The following TG variants were observed in gnomAD, a reference collection of about 807,000 sequenced individuals.
The protein encoded by TG is thyroid hormones.
A neutral mutation model predicts 324.7 loss-of-function variants in TG; 270 were observed. That is an observed-to-expected ratio of 0.83 (90% CI 0.75 to 0.92). The LOEUF (loss-of-function observed/expected upper bound fraction) is 0.92, where lower values mean the gene tolerates loss of function less well. Ranked by LOEUF, TG falls within the 40% of genes least tolerant of loss-of-function variation. The pLI, the probability that TG is intolerant of heterozygous loss-of-function variation, is 0.00. For missense variants in TG, 3,591 were observed against 3,456.4 expected, an observed-to-expected ratio of 1.04 and a Z score of -0.98; for synonymous variants, 1,401 against 1,327.0, an observed-to-expected ratio of 1.06 and a Z score of -1.21.
chr8:133,033,281 C>T (rs1359998002), intron 41 of TG, among the ~76,000 whole-genome samples: 3 of 152,164 alleles, frequency 2.0e-5, no homozygotes, highest in Non-Finnish European at 4.4e-5. Flanking sequence ...TCCTTCTTCC[C>T]TCTTCCCTTG....
chr8:133,017,839 G>A lies in TG; in HGVS notation c.6624G>A (p.Arg2208=), dbSNP rs1347496795. The change falls in exon 38 of 48, where the codon CGG becomes CGA. Residue 2208 remains arginine (R), a synonymous_variant. Coordinates refer to ENST00000220616, the MANE Select transcript of TG (RefSeq NM_003235.5). The part of the protein sequence containing the change: ...VPSVPISTHG[R]LLGRSQAIQV... ...CTGTGCCCATTTCCACCCATGGCCG[G>A]CTGCTGGGCAGGTCCCAGGCCATCC... 9.9e-6 allele frequency: 16 copies of A among 1,614,026 alleles called. No homozygotes were observed. Among genetic ancestry groups the A allele is most frequent in the African/African-American group, 2.7e-5 (2 of 74,912 alleles).
rs149433479 is a variant in TG, at chr8:132,876,328, G to A, written c.638+3107G>A. 3.8e-4 allele frequency among the ~76,000 whole-genome samples: 58 copies of A among 152,294 alleles called. 1 individual carries two copies. In the East Asian group the frequency reaches 0.011, roughly 28 times the overall value. ...TTGATATGGAGGTGAGGGTCGGGGG[G>A]AGTCAAGAATGACTCCTAGGTCTGG... On this transcript the variant is annotated intron_variant, in intron 5 of 47. Coordinates refer to ENST00000220616, the MANE Select transcript of TG (RefSeq NM_003235.5).
At chr8:133,066,344 A>AAG (rs1554714559) in intron 41 of TG, among the ~76,000 whole-genome samples, 4 of 150,640 alleles carry the variant, frequency 2.7e-5, no homozygotes, top group Non-Finnish European at 5.9e-5. Context: ...AAAAAAAAAA[A>AAG]GCTGTTACTG....
intron 35 of TG, among the ~76,000 whole-genome samples, chr8:132,987,720 T>TA (rs1564043677): frequency 1.1e-5 from 1 of 93,826 alleles, no homozygotes; most frequent in Non-Finnish European, 2.3e-5. Flanking sequence ...TGTGTGTGTG[T>TA]GGTGTGTGTG....
chr8:133,101,829 A>G (rs919563829), intron 43 of TG, among the ~76,000 whole-genome samples: 2 of 151,854 alleles, frequency 1.3e-5, no homozygotes, highest in Non-Finnish European at 1.5e-5. Flanking sequence ...ATTGGGCCCC[A>G]TAGCAGCACT....
In TG at chr8:132,983,351, T is replaced by G. The variant is rs1403317292; in HGVS notation, c.6201T>G (p.Ile2067Met). The G allele has an allele frequency of 6.2e-7, 1 of 1,614,064 alleles. No homozygotes were observed. The highest frequency in any genetic ancestry group is 8.5e-7 in the Non-Finnish European group (1 of 1,180,028). ...TYPFGWYQKP[I>M]AQNNAPSFCP... ...GAAAGACTGCTTTTTCCTTTTCAGT[T>G]GCTCAAAATAATGCTCCCAGTTTTT... The change falls in exon 35 of 48, where the codon ATT becomes ATG. Residue 2067 changes from isoleucine (I) to methionine (M), a missense_variant and splice_region_variant. Transcript: ENST00000220616.
intron 28 of TG, among the ~76,000 whole-genome samples, chr8:132,962,688 T>G (rs1024816811): frequency 1.3e-5 from 2 of 152,232 alleles, no homozygotes; most frequent in African/African-American, 4.8e-5. Context: ...AATGGAAATC[T>G]TGTTCCCTAC....
chr8:132,954,270 T>TTA (rs1004321975), intron 27 of TG, among the ~76,000 whole-genome samples: 4 of 152,094 alleles, frequency 2.6e-5, no homozygotes, highest in Non-Finnish European at 1.5e-5. Flanking sequence ...GCCCTACAGT[T>TTA]ATTAGTTACT....
intron 41 of TG, chr8:133,037,341 G>A (rs1837283066): frequency 6.6e-6 from 1 of 152,242 alleles, no homozygotes; most frequent in South Asian, 2.1e-4. Context: ...ATCTTTCCTG[G>A]AGCTGAGCAT....
At position 133,095,168 on chromosome 8, in the gene TG, G is replaced by C; in HGVS notation, c.7364G>C (p.Arg2455Pro). The change falls in exon 42 of 48, where the codon CGC (arginine) becomes CCC (proline). Residue 2455 changes from arginine (R) to proline (P), a missense_variant. Coordinates refer to ENST00000220616, the MANE Select transcript of TG (RefSeq NM_003235.5). ...SSSQEVVSCLRQKPANVLNDA... is the reference protein window; with the variant it reads ...SSSQEVVSCLPQKPANVLNDA... Reference sequence around the variant, plus strand: ...AGCCAAGAAGTGGTGTCCTGCCTCCGCCAGAAGCCTGCCAATGTCCTCAAT... The same window carrying C: ...AGCCAAGAAGTGGTGTCCTGCCTCCCCCAGAAGCCTGCCAATGTCCTCAAT... 1 of 1,614,182 alleles carries C rather than the reference G, an allele frequency of 6.2e-7. No individual in the cohort carries two copies. The highest frequency in any genetic ancestry group is 8.5e-7 in the Non-Finnish European group (1 of 1,180,028).
At chr8:133,025,104 T>G (rs1056696041) in intron 40 of TG, among the ~76,000 whole-genome samples, 6 of 152,208 alleles carry the variant, frequency 3.9e-5, no homozygotes, top group Middle Eastern at 3.2e-3. Flanking sequence ...TCTTCAGCTC[T>G]GAGAAGGGAG....
Position 132,983,292 on chromosome 8 carries a change from G to A in TG, c.6200-58G>A, listed in dbSNP as rs1319331788. 4 of 1,567,726 alleles carry A rather than the reference G, an allele frequency of 2.6e-6. No individual in the cohort carries two copies. The Admixed American group carries it at 5.0e-5, about 20-fold the overall frequency. ...TCTTATACTTATATTAATGCCTTCTGAACTCGATGATACCATGGGGGTAGA... is the reference window on the plus strand; with the variant it reads ...TCTTATACTTATATTAATGCCTTCTAAACTCGATGATACCATGGGGGTAGA... On this transcript the variant is annotated intron_variant, in intron 34 of 47. Transcript: ENST00000220616.
chr8:133,011,848 T>C (rs1018557292), intron 35 of TG, 53 bp from the exon 36 acceptor site: 1 of 1,613,638 alleles, frequency 6.2e-7, no homozygotes, highest in East Asian at 2.2e-5. Flanking sequence ...CGGCTGTCTT[T>C]GTTACTCACC....
chr8:133,049,598 C>A (rs2131208031), intron 41 of TG: 3 of 386,512 alleles, frequency 7.8e-6, no homozygotes, highest in South Asian at 5.1e-5. Flanking sequence ...CTAGTCTCTG[C>A]ACTGTGCTGT....
intron 2 of TG, 58 bp from the exon 3 acceptor site, chr8:132,869,671 C>A: frequency 7.0e-7 from 1 of 1,438,498 alleles, no homozygotes; most frequent in Non-Finnish European, 9.8e-7. Context: ...TGAGTGGGAG[C>A]CGGCATGTGG....
chr8:133,129,295 C>T (rs887534667), intron 45 of TG, among the ~76,000 whole-genome samples: 1 of 152,240 alleles, frequency 6.6e-6, no homozygotes, highest in Non-Finnish European at 1.5e-5. Flanking sequence ...CAAAGCAGTG[C>T]TCTGTGGCCT....
intron 35 of TG, among the ~76,000 whole-genome samples, chr8:132,999,398 G>A (rs1000505559): frequency 1.3e-5 from 2 of 152,106 alleles, no homozygotes; most frequent in Admixed American, 6.5e-5. Flanking sequence ...ACCACTATCA[G>A]CAGGTCATAA....
At position 132,933,675 on chromosome 8, in the gene TG, A is replaced by AG; in HGVS notation, c.4932+1dup. On this transcript the variant is annotated frameshift_variant and splice_region_variant, in exon 24 of 48. Coordinates refer to ENST00000220616, the MANE Select transcript of TG (RefSeq NM_003235.5). LOFTEE classifies it high-confidence loss of function. ...AATGTTGCCTGCATGACTTCTGACCAGGTGAGGTGGGGCAGCCACGTGTGG... is the reference window on the plus strand; with the variant it reads ...AATGTTGCCTGCATGACTTCTGACCAGGGTGAGGTGGGGCAGCCACGTGTGG... 1 of 1,614,062 alleles carries AG rather than the reference A, an allele frequency of 6.2e-7. No homozygotes were observed. The highest frequency in any genetic ancestry group is 2.2e-5 in the East Asian group (1 of 44,880).
At chr8:132,972,400 C>T in intron 33 of TG, 198 bp from the exon 34 acceptor site, 1 of 634,760 alleles carries the variant, frequency 1.6e-6, no homozygotes, top group Non-Finnish European at 2.7e-6. Flanking sequence ...AGCTCTATCC[C>T]TTTGCTCTTA....
Sources: gnomAD v4.1 joint callset for allele counts (sites outside exome capture counted in the v4.1 genomes callset) on GRCh38, gnomAD v4.1.1 for gene constraint, MANE v1.5 for transcripts, NCBI Gene and HGNC (gene_info 2026-07-23, HGNC 2026-07-21) for gene names.